KDM3B: variants seen among roughly 807,000 people sequenced by gnomAD.
The protein encoded by KDM3B is lysine demethylase 3B.
KDM3B carries 10 observed loss-of-function variants against 170.0 expected under a neutral mutation model. The observed-to-expected ratio is 0.06, with a 90% confidence interval of 0.04 to 0.10. The LOEUF (loss-of-function observed/expected upper bound fraction) is 0.10. KDM3B is among the 10% of genes least tolerant of loss of function. The pLI, the probability that KDM3B is intolerant of heterozygous loss-of-function variation, is 1.00. For missense variants in KDM3B, 1,394 were observed against 2,195.2 expected, an observed-to-expected ratio of 0.64 and a Z score of 7.29; for synonymous variants, 831 against 834.8, an observed-to-expected ratio of 1.00 and a Z score of 0.08.
At chr5:138,373,309 A>G (rs1375727383) in intron 2 of KDM3B, among the ~76,000 whole-genome samples, 1 of 152,100 alleles carries the variant, frequency 6.6e-6, no homozygotes, top group Non-Finnish European at 1.5e-5. Context: ...CACTGCATCC[A>G]GCCTGGGGGA....
intron 1 of KDM3B, among the ~76,000 whole-genome samples, chr5:138,360,157 G>A (rs1761559805): frequency 6.6e-6 from 1 of 152,112 alleles, no homozygotes; most frequent in Non-Finnish European, 1.5e-5. Context: ...GCTACCTATG[G>A]TCAAACATAG....
chr5:138,392,689 C>G (rs1283576880), intron 8 of KDM3B, among the ~76,000 whole-genome samples: 1 of 152,184 alleles, frequency 6.6e-6, no homozygotes, highest in Non-Finnish European at 1.5e-5. Flanking sequence ...TCAGTTTGCT[C>G]CTCTCTGAAA....
chr5:138,377,525 C>T (rs1208333243), intron 3 of KDM3B, among the ~76,000 whole-genome samples, 195 bp from the exon 4 acceptor site: 2 of 152,154 alleles, frequency 1.3e-5, no homozygotes, highest in South Asian at 4.1e-4. Context: ...TGGGTTCAAG[C>T]GATCCTCCTG....
At chr5:138,378,237 A>G (rs781151299) in intron 4 of KDM3B, among the ~76,000 whole-genome samples, 1 of 152,036 alleles carries the variant, frequency 6.6e-6, no homozygotes, top group Non-Finnish European at 1.5e-5. Context: ...AGTTTTTTTT[A>G]TTTCTTAAAT....
chr5:138,429,938 A>C lies in KDM3B; in HGVS notation c.4866A>C (p.Ala1622=). ...GGCACATCTATGCAGCCAAGGATGC[A>C]GAGAAGATCCGGGAGCTGCTCCGAA... ...ALWHIYAAKD[A]EKIRELLRKV... Residue 1622 remains alanine (A), a synonymous_variant, in exon 21 of 24, where the codon GCA becomes GCC. Coordinates refer to ENST00000314358, the MANE Select transcript of KDM3B (RefSeq NM_016604.4). 6.2e-7 allele frequency: 1 copy of C among 1,614,250 alleles called. No individual in the cohort carries two copies. Among genetic ancestry groups the C allele is most frequent in the East Asian group, 2.2e-5 (1 of 44,886 alleles).
rs192246004 is a variant in KDM3B, at chr5:138,376,244, C to T, written c.474+1038C>T. 1.2e-3 allele frequency among the ~76,000 whole-genome samples: 178 copies of T among 152,238 alleles called. 3 individuals are homozygous for T. Among genetic ancestry groups the T allele is most frequent in the Non-Finnish European group, 3.1e-4 (21 of 68,016 alleles). ...CCACCTGCTTTGCCCTCCCAAAGTG[C>T]TGGGATTACAGGCGTGAGCCACCAT... On this transcript the variant is annotated intron_variant, in intron 3 of 23. Coordinates refer to ENST00000314358, the MANE Select transcript of KDM3B (RefSeq NM_016604.4).
At chr5:138,425,005 T>C (rs1053202532) in intron 16 of KDM3B, among the ~76,000 whole-genome samples, 1 of 152,176 alleles carries the variant, frequency 6.6e-6, no homozygotes, top group Non-Finnish European at 1.5e-5. Context: ...GGCAAATGTT[T>C]TAAGGCCACA....
At chr5:138,415,049 C>T in intron 11 of KDM3B, 83 bp from the exon 12 acceptor site, 1 of 878,396 alleles carries the variant, frequency 1.1e-6, no homozygotes, top group African/African-American at 1.7e-5. Context: ...GAAAATTGGC[C>T]TTTGGGGTTC....
chr5:138,377,622 G>A lies in KDM3B; in HGVS notation c.475-98G>A, dbSNP rs1762030156. 3 of 804,048 alleles carry A rather than the reference G, an allele frequency of 3.7e-6. No homozygotes were observed. In the South Asian group the frequency reaches 4.6e-5, roughly 12 times the overall value. The allele number at this position is 804,048 out of a possible 1,614,324, so 49.8% of individuals were successfully genotyped here. ...GTTCTATAGATATTGTTTGGCAAAT[G>A]TTGATATACAGCTCCTTAGGATATG... is the stretch of plus-strand genomic sequence containing the variant. On this transcript the variant is annotated intron_variant, in intron 3 of 23. Coordinates refer to ENST00000314358, the MANE Select transcript of KDM3B (RefSeq NM_016604.4).
Position 138,352,811 on chromosome 5 carries a change from G to A in KDM3B, c.16G>A (p.Ala6Thr). The A allele has an allele frequency of 1.5e-6, 2 of 1,313,194 alleles. No individual in the cohort carries two copies. Among genetic ancestry groups the A allele is most frequent in the South Asian group, 1.9e-5 (1 of 52,354 alleles). The allele number at this position is 1,313,194 out of a possible 1,614,324, so 81.3% of individuals were successfully genotyped here. MADAA[A>T]SPVGKRLLLL... The stretch of plus-strand genomic sequence containing the variant: ...GGCCCCGGCGATGGCGGACGCGGCG[G>A]CCTCCCCGGTGGGCAAGCGGCTGCT... Residue 6 changes from alanine to threonine, a missense_variant, in exon 1 of 24, where the codon GCC (alanine) becomes ACC (threonine). By Grantham distance (58) the Ala-to-Thr change is moderately conservative. This residue lies in a region of KDM3B where 99 missense variants were observed against 97.5 expected (regional missense o/e 1.02). Transcript: ENST00000314358.
chr5:138,369,404 A>G (rs896059897), intron 1 of KDM3B, among the ~76,000 whole-genome samples: 38 of 152,198 alleles, frequency 2.5e-4, no homozygotes, highest in African/African-American at 5.8e-4. Flanking sequence ...AGCACAAGTC[A>G]CTTCCTTCCT....
At chr5:138,429,316 T>TCTCA (rs1180482201) in intron 20 of KDM3B, among the ~76,000 whole-genome samples, 2 of 152,166 alleles carry the variant, frequency 1.3e-5, no homozygotes, top group African/African-American at 4.8e-5. Flanking sequence ...CCTCTCAAAG[T>TCTCA]GCTGGGATTA....
chr5:138,398,364 G>A lies in KDM3B; in HGVS notation c.3018G>A (p.Lys1006=). 1 of 1,614,170 alleles carries A rather than the reference G, an allele frequency of 6.2e-7. No homozygotes were observed. The highest frequency in any genetic ancestry group is 8.5e-7 in the Non-Finnish European group (1 of 1,180,016). The change falls in exon 10 of 24, where the codon AAG becomes AAA. Residue 1006 remains lysine, a synonymous_variant. Transcript: ENST00000314358. ...TCTGCCAGCTCGTAATGTCTGAGAAGGAGGCCATGATGATGGTGGAGCCAC... is the reference window on the plus strand; with the variant it reads ...TCTGCCAGCTCGTAATGTCTGAGAAAGAGGCCATGATGATGGTGGAGCCAC... ...DQFCQLVMSE[K]EAMMMVEPHQ... is the part of the protein sequence containing the mutation.
At chr5:138,358,383 C>T (rs1761511592) in intron 1 of KDM3B, among the ~76,000 whole-genome samples, 1 of 147,002 alleles carries the variant, frequency 6.8e-6, no homozygotes. Flanking sequence ...CAGCTCACTG[C>T]AACCTCTCTC....
chr5:138,433,022 G>T (rs1763575720), intron 23 of KDM3B, among the ~76,000 whole-genome samples: 1 of 151,586 alleles, frequency 6.6e-6, no homozygotes, highest in Non-Finnish European at 1.5e-5. Flanking sequence ...GGGATTACAG[G>T]CGTGAGCCAC....
At chr5:138,428,205 GT>G (rs763859008) in intron 20 of KDM3B, 119 bp downstream of exon 20, 17,119 of 743,826 alleles carry the variant, frequency 0.023, 2 homozygotes, top group South Asian at 0.034. Flanking sequence ...TCTTTTTTCT[GT>G]TTTTTTTTTT....
intron 14 of KDM3B, among the ~76,000 whole-genome samples, chr5:138,419,716 T>TAC (rs1284802955): frequency 3.4e-5 from 3 of 87,180 alleles, no homozygotes; most frequent in Middle Eastern, 6.2e-3. Flanking sequence ...CACACATATA[T>TAC]ATACACACAC....
In KDM3B at chr5:138,388,030, G is replaced by C. The variant is rs759570552; in HGVS notation, c.1380+1409G>C. Reference sequence around the variant, plus strand: ...TGGGAGGTGGAGCTTGCAGTGAGCCGAGATTGTGCCACTGCACTCCAGCCT... The same window carrying C: ...TGGGAGGTGGAGCTTGCAGTGAGCCCAGATTGTGCCACTGCACTCCAGCCT... On this transcript the variant is annotated intron_variant, in intron 7 of 23. Coordinates refer to ENST00000314358, the MANE Select transcript of KDM3B (RefSeq NM_016604.4). Among the ~76,000 whole-genome samples the C allele has an allele frequency of 3.3e-5, 5 of 151,544 alleles. No homozygotes were observed. The East Asian group carries it at 9.9e-4, about 30-fold the overall frequency.
At chr5:138,405,176 T>A (rs1762785749) in intron 11 of KDM3B, among the ~76,000 whole-genome samples, 1 of 152,032 alleles carries the variant, frequency 6.6e-6, no homozygotes, top group African/African-American at 2.4e-5. Context: ...CCCAAGTAGC[T>A]GGGATTACAG....
Sources: allele counts gnomAD v4.1 joint callset (sites outside exome capture counted in the v4.1 genomes callset), GRCh38; gene constraint gnomAD v4.1.1; regional missense constraint gnomAD v4.1.1; transcripts MANE v1.5; gene names NCBI Gene and HGNC (gene_info 2026-07-23, HGNC 2026-07-21).